The following VGLL2 variants were observed in gnomAD, a reference collection of about 807,000 sequenced individuals.
VGLL2 encodes vestigial like family member 2, also known as transcription cofactor vestigial-like protein 2.
A neutral mutation model predicts 27.0 loss-of-function variants in VGLL2; 18 were observed. The ratio of observed to expected loss-of-function variants is 0.67; its 90% CI spans 0.46 to 0.99. The LOEUF is 0.99. Ranked by LOEUF, VGLL2 falls within the 50% of genes least tolerant of loss-of-function variation. The pLI is 0.00. For synonymous variants in VGLL2, 220 were observed against 201.1 expected, an observed-to-expected ratio of 1.09 and a Z score of -0.80; for missense variants, 491 against 452.3, an observed-to-expected ratio of 1.09 and a Z score of -0.78.
In VGLL2 at chr6:117,272,507, G is replaced by A. The variant is rs1773223310; in HGVS notation, c.*13G>A. The stretch of plus-strand genomic sequence containing the variant: ...CCTCCTGAGCTGATCTGCTGACCCA[G>A]GGTTTCCCCTTCCCCTTCCCTTCTG... On this transcript the variant is annotated 3_prime_UTR_variant, in exon 4 of 4. Coordinates refer to ENST00000326274, the MANE Select transcript of VGLL2 (RefSeq NM_182645.3). 3 of 1,614,128 alleles carry A rather than the reference G, an allele frequency of 1.9e-6. No homozygotes were observed. Among genetic ancestry groups the A allele is most frequent in the Non-Finnish European group, 2.5e-6 (3 of 1,180,024 alleles).
At chr6:117,270,520 C>G (rs143695293) in intron 2 of VGLL2, 23 bp from the exon 3 acceptor site, 4 of 1,568,640 alleles carry the variant, frequency 2.5e-6, no homozygotes, top group Non-Finnish European at 3.5e-6. Context: ...TTCCTCCACT[C>G]CGCCTCCCCG....
chr6:117,269,421 A>T (rs556103179), intron 2 of VGLL2, among the ~76,000 whole-genome samples: 2 of 152,352 alleles, frequency 1.3e-5, no homozygotes, highest in African/African-American at 2.4e-5. Flanking sequence ...GAGGGAAATT[A>T]CAACCTTCAC....
chr6:117,268,251 G>C lies in VGLL2; in HGVS notation c.151G>C (p.Gly51Arg). ...CNASPSSSGS[G>R]SSSFSSQTPA... is the part of the protein sequence containing the mutation. ...TGCCAGCCCCAGCAGCAGTGGCAGC[G>C]GCAGCTCCTCATTTTCCAGCCAAAC... Residue 51 changes from glycine to arginine, a missense_variant, in exon 2 of 4, where the codon GGC becomes CGC. Transcript: ENST00000326274. 1 of 1,614,036 alleles carries C rather than the reference G, an allele frequency of 6.2e-7. No homozygotes were observed. The highest frequency in any genetic ancestry group is 8.5e-7 in the Non-Finnish European group (1 of 1,180,036).
intron 2 of VGLL2, among the ~76,000 whole-genome samples, chr6:117,269,556 G>A (rs570087140): frequency 6.6e-6 from 1 of 152,152 alleles, no homozygotes; most frequent in South Asian, 2.1e-4. Flanking sequence ...ATGTTTAACA[G>A]GAAGACTCTT....
Position 117,270,529 on chromosome 6 carries a change from C to G in VGLL2, c.392-14C>G. On this transcript the variant is annotated splice_polypyrimidine_tract_variant and intron_variant, in intron 2 of 3. Coordinates refer to ENST00000326274, the MANE Select transcript of VGLL2 (RefSeq NM_182645.3). ...TTTCCTTTCCTCCACTCCGCCTCCC[C>G]GGCCGGCCTACAGACTGCTCCTTCC... is the stretch of plus-strand genomic sequence containing the variant. The G allele has an allele frequency of 6.3e-7, 1 of 1,579,088 alleles. No individual in the cohort carries two copies. Among genetic ancestry groups the G allele is most frequent in the Non-Finnish European group, 8.6e-7 (1 of 1,164,234 alleles).
Position 117,270,773 on chromosome 6 carries a change from T to TACGCCCTGGGCGGCGCCCTCG in VGLL2, c.623_643dup (p.Leu214_Gly215insAspAlaLeuGlyGlyAlaLeu). ...GCACCACGCGCACCCGCATCACCCC[T>TACGCCCTGGGCGGCGCCCTCG]ACGCCCTGGGCGGCGCCCTCGGCGC... On this transcript the variant is annotated inframe_insertion, in exon 3 of 4. Coordinates refer to ENST00000326274, the MANE Select transcript of VGLL2 (RefSeq NM_182645.3). 1 of 1,469,958 alleles carries TACGCCCTGGGCGGCGCCCTCG rather than the reference T, an allele frequency of 6.8e-7. No homozygotes were observed. Among genetic ancestry groups the TACGCCCTGGGCGGCGCCCTCG allele is most frequent in the Admixed American group, 2.4e-5 (1 of 41,516 alleles). 91.1% of individuals were successfully genotyped at this position (1,469,958 alleles called of 1,614,324 possible).
chr6:117,266,986 T>C (rs1199889093), intron 1 of VGLL2, among the ~76,000 whole-genome samples: 1 of 152,216 alleles, frequency 6.6e-6, no homozygotes, highest in Non-Finnish European at 1.5e-5. Flanking sequence ...AGAGTTCCTC[T>C]TGTAGGGAAG....
rs1249263489 is a variant in VGLL2, at chr6:117,265,852, T to G, written c.81+8T>G. 1.2e-6 allele frequency: 2 copies of G among 1,613,518 alleles called. No individual in the cohort carries two copies. Among genetic ancestry groups the G allele is most frequent in the Non-Finnish European group, 1.7e-6 (2 of 1,179,450 alleles). On this transcript the variant is annotated splice_region_variant and intron_variant, in intron 1 of 3. Transcript: ENST00000326274. ...TACACCCCCTACCACCAGGTACGTG[T>G]CTCCTCTGGGGACTTTGGGAAGGAG...
intron 2 of VGLL2, 77 bp from the exon 3 acceptor site, chr6:117,270,466 G>C: frequency 6.8e-7 from 1 of 1,465,462 alleles, no homozygotes; most frequent in Non-Finnish European, 9.0e-7. Flanking sequence ...GGGACGTGCA[G>C]GTCGGCGCTG....
At chr6:117,269,309 C>T (rs1773132076) in intron 2 of VGLL2, among the ~76,000 whole-genome samples, 1 of 152,108 alleles carries the variant, frequency 6.6e-6, no homozygotes, top group East Asian at 1.9e-4. Flanking sequence ...GGTGGGGGAA[C>T]CATTAAGTAA....
rs1773233623 is a variant in VGLL2 at position 117,272,983 on chromosome 6, C to G, written c.*489C>G. 6.4e-6 allele frequency: 1 copy of G among 157,186 alleles called. No individual in the cohort carries two copies. Among genetic ancestry groups the G allele is most frequent in the African/African-American group, 2.4e-5 (1 of 41,480 alleles). 9.7% of individuals were successfully genotyped at this position (157,186 alleles called of 1,614,324 possible). On this transcript the variant is annotated 3_prime_UTR_variant, in exon 4 of 4. Coordinates refer to ENST00000326274, the MANE Select transcript of VGLL2 (RefSeq NM_182645.3). ...CACCTCTCAGCCTCCAGATCCCTTC[C>G]TGCCCATCCCTTCCCTACAATGCCC...
At chr6:117,266,580 T>G (rs1203315556) in intron 1 of VGLL2, among the ~76,000 whole-genome samples, 1 of 152,192 alleles carries the variant, frequency 6.6e-6, no homozygotes, top group African/African-American at 2.4e-5. Flanking sequence ...TTCTGCAAAC[T>G]CTTCAAGTTC....
rs541907811 is a variant in VGLL2, at chr6:117,270,549, C to A, written c.398C>A (p.Ser133Tyr). ...CTCCCCGGCCGGCCTACAGACTGCT[C>A]CTTCCCGATGAGCCAGCGCAGCTTC... Reference protein sequence around the residue: ...PRSSGPWRDCSFPMSQRSFPA... With the variant: ...PRSSGPWRDCYFPMSQRSFPA... The change falls in exon 3 of 4, where the codon TCC becomes TAC. Residue 133 changes from serine to tyrosine, a missense_variant. Ser to Tyr is a moderately radical substitution (Grantham distance 144, BLOSUM62 -2). Coordinates refer to ENST00000326274, the MANE Select transcript of VGLL2 (RefSeq NM_182645.3). 52 of 1,597,166 alleles carry A rather than the reference C, an allele frequency of 3.3e-5. No homozygotes were observed. In the South Asian group the frequency reaches 5.2e-4, roughly 16 times the overall value.
intron 2 of VGLL2, 34 bp from the exon 3 acceptor site, chr6:117,270,509 T>C: frequency 6.5e-7 from 1 of 1,547,334 alleles, no homozygotes; most frequent in Non-Finnish European, 8.7e-7. Context: ...CCTCTTTTCC[T>C]TTCCTCCACT....
rs779352508 is a variant in VGLL2, at chr6:117,270,760, C to A, written c.609C>A (p.His203Gln). The change falls in exon 3 of 4, where the codon CAC becomes CAA. Residue 203 changes from histidine (H) to glutamine (Q), a missense_variant. Transcript: ENST00000326274. The part of the protein sequence containing the change: ...PWHHAHPHHA[H>Q]PHHPYALGGA... Reference sequence around the variant, plus strand: ...ACCACGCGCACCCGCACCACGCGCACCCGCATCACCCCTACGCCCTGGGCG... The same window carrying A: ...ACCACGCGCACCCGCACCACGCGCAACCGCATCACCCCTACGCCCTGGGCG... 7.9e-5 allele frequency: 118 copies of A among 1,499,716 alleles called. No homozygotes were observed. The highest frequency in any genetic ancestry group is 9.4e-5 in the Non-Finnish European group (107 of 1,133,820). 92.9% of individuals were successfully genotyped at this position (1,499,716 alleles called of 1,614,324 possible). A position where few individuals can be genotyped will look rare whatever the true frequency, so the allele number is the denominator to read the frequency against.
intron 3 of VGLL2, among the ~76,000 whole-genome samples, chr6:117,271,881 C>A (rs749368400): frequency 6.6e-6 from 1 of 152,152 alleles, no homozygotes; most frequent in Non-Finnish European, 1.5e-5. Context: ...GTATTTGCAA[C>A]GTACAGTCTA....
chr6:117,271,019 C>A lies in VGLL2; in HGVS notation c.868C>A (p.Pro290Thr). 8.1e-7 allele frequency: 1 copy of A among 1,232,380 alleles called. No individual in the cohort carries two copies. Among genetic ancestry groups the A allele is most frequent in the East Asian group, 3.2e-5 (1 of 31,466 alleles). The allele number at this position is 1,232,380 out of a possible 1,614,324, so 76.3% of individuals were successfully genotyped here. A position where few individuals can be genotyped will look rare whatever the true frequency, so the allele number is the denominator to read the frequency against. ...WAGPGGPFAS[P>T]SGDVAQGLGL... ...CGGGCCCGGGGGACCCTTCGCGAGC[C>A]CCTCGGGGGACGTGGCCCAGGGTCT... Residue 290 changes from proline to threonine, a missense_variant, in exon 3 of 4, where the codon CCC (proline) becomes ACC (threonine). Coordinates refer to ENST00000326274, the MANE Select transcript of VGLL2 (RefSeq NM_182645.3).
At chr6:117,266,334 G>A (rs1350861787) in intron 1 of VGLL2, among the ~76,000 whole-genome samples, 1 of 152,210 alleles carries the variant, frequency 6.6e-6, no homozygotes, top group Admixed American at 6.5e-5. Context: ...AATTTCTTCC[G>A]TTTCAATTCT....
rs1443305188 is a variant in VGLL2, at chr6:117,272,702, A to G, written c.*208A>G. On this transcript the variant is annotated 3_prime_UTR_variant, in exon 4 of 4. Coordinates refer to ENST00000326274, the MANE Select transcript of VGLL2 (RefSeq NM_182645.3). ...AAAGAGCAAATCCAAAGACTGAGTT[A>G]TGTTTAATGACTTTTGGCCGAATCA... 7.6e-6 allele frequency: 5 copies of G among 658,250 alleles called. No homozygotes were observed. Among genetic ancestry groups the G allele is most frequent in the Non-Finnish European group, 1.2e-5 (5 of 404,008 alleles). The allele number at this position is 658,250 out of a possible 1,614,324, so 40.8% of individuals were successfully genotyped here. A position where few individuals can be genotyped will look rare whatever the true frequency, so the allele number is the denominator to read the frequency against.
Sources: gnomAD v4.1 joint callset for allele counts (sites outside exome capture counted in the v4.1 genomes callset) on GRCh38, gnomAD v4.1.1 for gene constraint, MANE v1.5 for transcripts, NCBI Gene and HGNC (gene_info 2026-07-23, HGNC 2026-07-21) for gene names.